Variants in IL1RAPL1 observed in about 807,000 individuals in gnomAD.
IL1RAPL1 encodes the protein interleukin 1 receptor accessory protein like 1.
In IL1RAPL1, 3 loss-of-function variants were observed where a neutral mutation model predicts 48.4. That is an observed-to-expected ratio of 0.06 (90% CI 0.03 to 0.16). The LOEUF is 0.16. Among genes scored for constraint, IL1RAPL1 ranks in the 10% least tolerant of loss-of-function variants. The pLI, the probability that IL1RAPL1 is intolerant of heterozygous loss-of-function variation, is 1.00. For missense variants in IL1RAPL1, 349 were observed against 530.6 expected (o/e 0.66, Z 3.36); for synonymous variants, 185 against 187.7 (o/e 0.99, Z 0.12).
intron 1 of IL1RAPL1, among the ~76,000 whole-genome samples, chrX:28,680,258 G>A (rs1038259386): frequency 9.0e-6 from 1 of 110,544 alleles, no homozygotes; most frequent in Non-Finnish European, 1.9e-5. Context: ...TTCCTTTCTG[G>A]ATAGTTTGTT....
Position 29,369,186 on chromosome X carries a change from G to C in IL1RAPL1, c.363-27072G>C, listed in dbSNP as rs1933510073. 4 of 110,588 alleles carry C rather than the reference G, an allele frequency of 3.6e-5. No homozygotes were observed. The Admixed American group carries it at 3.9e-4, about 11-fold the overall frequency. The allele number at this position is 110,588 out of a possible 1,213,427, so 9.1% of individuals were successfully genotyped here. A position where few individuals can be genotyped will look rare whatever the true frequency, so the allele number is the denominator to read the frequency against. On this transcript the variant is annotated intron_variant, in intron 3 of 10. Coordinates refer to ENST00000378993, the MANE Select transcript of IL1RAPL1 (RefSeq NM_014271.4). The stretch of plus-strand genomic sequence containing the variant: ...CCTTGGCTGTGGAGCATGAGAAGTT[G>C]TGTGTTGCTGAAAGTATTGTTGCAG...
At chrX:29,118,512 C>A (rs1324837513) in intron 2 of IL1RAPL1, among the ~76,000 whole-genome samples, 1 of 111,637 alleles carries the variant, frequency 9.0e-6, no homozygotes, top group African/African-American at 3.2e-5. Flanking sequence ...AATCAAAATG[C>A]AAAGATGCAG....
intron 2 of IL1RAPL1, among the ~76,000 whole-genome samples, chrX:29,043,572 T>C (rs1926891663): frequency 9.0e-6 from 1 of 111,360 alleles, no homozygotes; most frequent in South Asian, 3.8e-4. Context: ...TATAAAAATA[T>C]TTCCCCCTAC....
chrX:28,785,485 C>A (rs1936465045), intron 1 of IL1RAPL1, among the ~76,000 whole-genome samples: 1 of 111,501 alleles, frequency 9.0e-6, no homozygotes, highest in Admixed American at 9.5e-5. Flanking sequence ...CTTAAATATC[C>A]TTGCTTGCTT....
chrX:29,832,031 CT>C (rs1341272757), intron 6 of IL1RAPL1, among the ~76,000 whole-genome samples: 1 of 111,535 alleles, frequency 9.0e-6, no homozygotes, highest in East Asian at 2.8e-4. Context: ...TGATGACATT[CT>C]TTTTCAAGAA....
At chrX:29,332,916 T>C (rs1329888732) in intron 3 of IL1RAPL1, among the ~76,000 whole-genome samples, 1 of 110,032 alleles carries the variant, frequency 9.1e-6, no homozygotes, top group Admixed American at 9.6e-5. Flanking sequence ...TTAATCCATT[T>C]AACCCTGAGT....
At chrX:29,782,427 A>G (rs1569167173) in intron 6 of IL1RAPL1, among the ~76,000 whole-genome samples, 1 of 111,835 alleles carries the variant, frequency 8.9e-6, no homozygotes, top group Non-Finnish European at 1.9e-5. Context: ...AGAGTCATCC[A>G]TCAAGAATCT....
chrX:29,356,054 A>G (rs1322371394), intron 3 of IL1RAPL1, among the ~76,000 whole-genome samples: 2 of 111,719 alleles, frequency 1.8e-5, no homozygotes, highest in Non-Finnish European at 3.8e-5. Flanking sequence ...CTTTGAAATC[A>G]TTAACTATGT....
In IL1RAPL1 at chrX:29,730,832, C is replaced by T. The variant is rs759855975; in HGVS notation, c.778+62328C>T. Among the ~76,000 whole-genome samples the T allele has an allele frequency of 3.6e-5, 4 of 111,512 alleles. No individual in the cohort carries two copies. In the East Asian group the frequency reaches 1.1e-3, roughly 32 times the overall value. ...GTACCCAGGTAGGTAAATCCATCTT[C>T]CCACAGATATGAGATGACACAGTAA... On this transcript the variant is annotated intron_variant, in intron 6 of 10. Coordinates refer to ENST00000378993, the MANE Select transcript of IL1RAPL1 (RefSeq NM_014271.4).
chrX:29,749,279 A>G (rs1022551850), intron 6 of IL1RAPL1, among the ~76,000 whole-genome samples: 14 of 112,205 alleles, frequency 1.2e-4, no homozygotes, highest in African/African-American at 4.5e-4. Context: ...TAAGCTGCCA[A>G]TGAAATATAT....
chrX:29,695,724 C>A (rs1352560386), intron 6 of IL1RAPL1, among the ~76,000 whole-genome samples: 1 of 110,593 alleles, frequency 9.0e-6, no homozygotes, highest in Non-Finnish European at 1.9e-5. Context: ...CCAAAGGCCC[C>A]AACTCCAAAT....
At chrX:29,782,039 G>C (rs1929349434) in intron 6 of IL1RAPL1, among the ~76,000 whole-genome samples, 1 of 110,813 alleles carries the variant, frequency 9.0e-6, no homozygotes, top group South Asian at 3.8e-4. Context: ...AGAAAGAGCT[G>C]AATGAAACAT....
intron 2 of IL1RAPL1, among the ~76,000 whole-genome samples, chrX:29,049,277 C>A (rs1488390839): frequency 1.8e-5 from 2 of 112,449 alleles, no homozygotes; most frequent in Non-Finnish European, 3.8e-5. Context: ...GTATAATGTT[C>A]CCTCCGCTTC....
chrX:29,288,634 T>C (rs1388433771), intron 3 of IL1RAPL1, among the ~76,000 whole-genome samples: 2 of 112,432 alleles, frequency 1.8e-5, no homozygotes, highest in Non-Finnish European at 3.7e-5. Context: ...CATGCATTTA[T>C]CTTTATAATA....
intron 3 of IL1RAPL1, among the ~76,000 whole-genome samples, chrX:29,363,200 A>G (rs1000001344): frequency 3.6e-5 from 4 of 112,002 alleles, no homozygotes; most frequent in African/African-American, 1.3e-4. Context: ...GCTTTTAATC[A>G]TAGTACAAAA....
At chrX:29,192,410 A>G (rs1930369041) in intron 2 of IL1RAPL1, among the ~76,000 whole-genome samples, 1 of 112,158 alleles carries the variant, frequency 8.9e-6, no homozygotes, top group Non-Finnish European at 1.9e-5. Flanking sequence ...TGCAGTGAAC[A>G]CATTTAATAG....
chrX:29,808,800 T>C (rs972280920), intron 6 of IL1RAPL1, among the ~76,000 whole-genome samples: 2 of 111,620 alleles, frequency 1.8e-5, no homozygotes, highest in African/African-American at 6.5e-5. Context: ...CTTACAATTA[T>C]GTGGTGACTC....
At chrX:29,705,079 T>C (rs1326150968) in intron 6 of IL1RAPL1, among the ~76,000 whole-genome samples, 2 of 112,007 alleles carry the variant, frequency 1.8e-5, no homozygotes, top group Non-Finnish European at 3.8e-5. Context: ...TCAATATTAA[T>C]AAATTTACTA....
At chrX:29,283,248 A>C in intron 3 of IL1RAPL1, 31 bp downstream of exon 3, 1 of 1,189,023 alleles carries the variant, frequency 8.4e-7, no homozygotes, top group Non-Finnish European at 1.1e-6. Flanking sequence ...CTGCTGAATC[A>C]AAGAAAGCAC....
Sources: allele counts gnomAD v4.1 joint callset (sites outside exome capture counted in the v4.1 genomes callset), GRCh38; gene constraint gnomAD v4.1.1; transcripts MANE v1.5; gene names NCBI Gene and HGNC (gene_info 2026-07-23, HGNC 2026-07-21).